The following TBC1D16 variants were observed in gnomAD, a reference collection of about 807,000 sequenced individuals.
TBC1D16 encodes the protein CTD-2529O21.1.
Under a neutral mutation model 74.7 loss-of-function variants are expected in TBC1D16, and 58 were observed. The observed-to-expected ratio is 0.78, with a 90% CI of 0.63 to 0.97. TBC1D16 has a LOEUF of 0.97. Ranked by LOEUF, TBC1D16 falls within the 50% of genes least tolerant of loss-of-function variation. The pLI, the probability that TBC1D16 is intolerant of heterozygous loss-of-function variation, is 0.00. For synonymous variants in TBC1D16, 493 were observed against 474.7 expected, an observed-to-expected ratio of 1.04 and a Z score of -0.50; for missense variants, 1,014 against 1,079.5, an observed-to-expected ratio of 0.94 and a Z score of 0.85.
intron 3 of TBC1D16, among the ~76,000 whole-genome samples, chr17:79,989,756 C>T (rs1199634125): frequency 2.0e-5 from 3 of 152,252 alleles, no homozygotes; most frequent in African/African-American, 7.2e-5. Flanking sequence ...GCAGCCTCAG[C>T]ATCGGCCCTC....
chr17:79,987,198 C>T lies in TBC1D16; in HGVS notation c.779+22962G>A, dbSNP rs1166328682. On this transcript the variant is annotated intron_variant, in intron 3 of 11. Coordinates refer to ENST00000310924, the MANE Select transcript of TBC1D16 (RefSeq NM_019020.4). This position sits in a 1 kb window ranked among gnomAD's most constrained non-coding sequence, Gnocchi z 5.2. ...TGGAGAAAATTGTTCCAGAGCGTCT[C>T]GGTCTGGGTGGGAGCGGGGAATAAG... Among the ~76,000 whole-genome samples, 1 of 151,884 alleles carries T rather than the reference C, an allele frequency of 6.6e-6. No individual in the cohort carries two copies. The highest frequency in any genetic ancestry group is 6.6e-5 in the Admixed American group (1 of 15,258).
At chr17:80,023,161 C>T (rs543462283) in intron 1 of TBC1D16, among the ~76,000 whole-genome samples, 3 of 149,930 alleles carry the variant, frequency 2.0e-5, no homozygotes, top group South Asian at 2.1e-4. Context: ...ATGGGACAGG[C>T]GGGGTCATTT....
At chr17:80,005,761 A>G (rs2035650183) in intron 3 of TBC1D16, among the ~76,000 whole-genome samples, 1 of 152,124 alleles carries the variant, frequency 6.6e-6, no homozygotes, top group African/African-American at 2.4e-5. Context: ...CTCACCTTCC[A>G]GCATGCAGAC....
At chr17:79,962,819 TG>T (rs1027026140) in intron 3 of TBC1D16, among the ~76,000 whole-genome samples, 7 of 151,762 alleles carry the variant, frequency 4.6e-5, no homozygotes, top group African/African-American at 1.7e-4. Flanking sequence ...CCCAGCACTT[TG>T]GGAGGCCGAG....
intron 3 of TBC1D16, among the ~76,000 whole-genome samples, chr17:79,967,833 TTAACTACAAAGC>T (rs2033906837): frequency 6.6e-6 from 1 of 152,138 alleles, no homozygotes; most frequent in South Asian, 2.1e-4. Context: ...ATTTCAAAAC[TTAACTACAAAGC>T]TACGGTAATC....
At chr17:80,024,084 C>T (rs977398153) in intron 1 of TBC1D16, 1 of 150,164 alleles carries the variant, frequency 6.7e-6, no homozygotes, top group Admixed American at 6.6e-5. Flanking sequence ...GCAGAAGCGG[C>T]TTTTGGCTTT....
At chr17:79,996,502 G>A (rs866883468) in intron 3 of TBC1D16, among the ~76,000 whole-genome samples, 7 of 152,288 alleles carry the variant, frequency 4.6e-5, no homozygotes, top group African/African-American at 1.7e-4. Context: ...ATGAGGATGT[G>A]GAGAAACAAG....
At chr17:80,034,393 G>GA (rs1238968521) in intron 1 of TBC1D16, among the ~76,000 whole-genome samples, 2 of 151,524 alleles carry the variant, frequency 1.3e-5, no homozygotes, top group African/African-American at 4.9e-5. Flanking sequence ...AGATATGGGG[G>GA]GTTTCACCAT....
In TBC1D16 at chr17:79,948,866, G is replaced by A; in HGVS notation, c.1541+6C>T. On this transcript the variant is annotated splice_donor_region_variant and intron_variant, in intron 8 of 11. Coordinates refer to ENST00000310924, the MANE Select transcript of TBC1D16 (RefSeq NM_019020.4). ...ATGGGAAAGGAGCTGGCTGGGGAGGGAGTACCTCATGCTCTCCACATTGGG... is the reference window on the plus strand; with the variant it reads ...ATGGGAAAGGAGCTGGCTGGGGAGGAAGTACCTCATGCTCTCCACATTGGG... The A allele has an allele frequency of 6.2e-7, 1 of 1,614,084 alleles. No homozygotes were observed. Among genetic ancestry groups the A allele is most frequent in the Non-Finnish European group, 8.5e-7 (1 of 1,179,966 alleles).
At chr17:79,973,936 C>T (rs1272259829) in intron 3 of TBC1D16, among the ~76,000 whole-genome samples, 1 of 152,220 alleles carries the variant, frequency 6.6e-6, no homozygotes, top group Non-Finnish European at 1.5e-5. Context: ...GTAGCAACCT[C>T]AGCACAGAAT....
At chr17:79,962,496 A>AC (rs1231420017) in intron 3 of TBC1D16, among the ~76,000 whole-genome samples, 1 of 151,748 alleles carries the variant, frequency 6.6e-6, no homozygotes, top group East Asian at 2.0e-4. Context: ...TACAGGTGTG[A>AC]CCCACCACAC....
At chr17:79,982,736 G>A (rs1218730712) in intron 3 of TBC1D16, among the ~76,000 whole-genome samples, 2 of 151,922 alleles carry the variant, frequency 1.3e-5, no homozygotes, top group Non-Finnish European at 2.9e-5. Flanking sequence ...GCCGGTGCCT[G>A]TAATCCCAGC....
intron 1 of TBC1D16, among the ~76,000 whole-genome samples, chr17:80,027,289 C>A (rs926856555): frequency 3.9e-5 from 6 of 151,994 alleles, no homozygotes; most frequent in African/African-American, 1.5e-4. Flanking sequence ...ATGGTGAAAC[C>A]CCGTCTCTAC....
rs1035636192 is a variant in TBC1D16, at chr17:79,954,077, G to C, written c.780-1259C>G. Among the ~76,000 whole-genome samples, 1 of 152,140 alleles carries C rather than the reference G, an allele frequency of 6.6e-6. No homozygotes were observed. The highest frequency in any genetic ancestry group is 1.5e-5 in the Non-Finnish European group (1 of 68,028). On this transcript the variant is annotated intron_variant, in intron 3 of 11. Transcript: ENST00000310924. This position sits in a 1 kb window ranked among gnomAD's most constrained non-coding sequence, Gnocchi z 5.5. ...GAGCCATCGCGCCTGACACTCTCTTGAGATTTAATGTCTAGCAAATGTCTG... is the reference window on the plus strand; with the variant it reads ...GAGCCATCGCGCCTGACACTCTCTTCAGATTTAATGTCTAGCAAATGTCTG...
rs533995294 is a variant in TBC1D16, at chr17:80,004,593, G to A, written c.779+5567C>T. On this transcript the variant is annotated intron_variant, in intron 3 of 11. Transcript: ENST00000310924. ...CCTTAGTCGGTCCACCTCCTCTGCC[G>A]TTGGATTCTTATGTTCTGCTCCTTT... is the stretch of plus-strand genomic sequence containing the variant. Among the ~76,000 whole-genome samples the A allele has an allele frequency of 1.8e-4, 28 of 152,302 alleles. No individual in the cohort carries two copies. In the South Asian group the frequency reaches 2.3e-3, roughly 12 times the overall value.
At position 79,949,780 on chromosome 17, in the gene TBC1D16, G is replaced by C. The variant is rs1568578219; in HGVS notation, c.1343C>G (p.Ser448Trp). The change falls in exon 7 of 12, where the codon TCG becomes TGG. Residue 448 changes from serine to tryptophan, a missense_variant. Coordinates refer to ENST00000310924, the MANE Select transcript of TBC1D16 (RefSeq NM_019020.4). ...CAGCCGCAGCGCCTCCCGCTCCTCC[G>C]ACGTGGACTCGTGGCTGTAATAGCG... is the stretch of plus-strand genomic sequence containing the variant. ...LLRYYSHEST[S>W]EEREALRLQK... 1 of 1,613,660 alleles carries C rather than the reference G, an allele frequency of 6.2e-7. No individual in the cohort carries two copies. Among genetic ancestry groups the C allele is most frequent in the Admixed American group, 1.7e-5 (1 of 60,014 alleles).
intron 3 of TBC1D16, among the ~76,000 whole-genome samples, chr17:80,006,746 C>A (rs921192193): frequency 1.3e-5 from 2 of 152,054 alleles, no homozygotes; most frequent in African/African-American, 2.4e-5. Context: ...GCAGCCTTCA[C>A]CTCCCAGGCT....
intron 1 of TBC1D16, among the ~76,000 whole-genome samples, chr17:80,027,554 C>T (rs117353248): frequency 0.073 from 11,058 of 151,790 alleles, 472 homozygotes; most frequent in East Asian, 0.17. Flanking sequence ...GCTGTACTTG[C>T]GCCACTGCAC....
At chr17:79,945,931 G>A (rs1057104102) in intron 9 of TBC1D16, among the ~76,000 whole-genome samples, 11 of 152,244 alleles carry the variant, frequency 7.2e-5, no homozygotes, top group Non-Finnish European at 1.0e-4. Context: ...TTGTTCCCAC[G>A]GGAGACTGCG....
Sources: gnomAD v4.1 joint callset for allele counts (sites outside exome capture counted in the v4.1 genomes callset) on GRCh38, gnomAD v4.1.1 for gene constraint, Gnocchi (gnomAD v3.1) non-coding constraint, MANE v1.5 for transcripts, NCBI Gene and HGNC (gene_info 2026-07-23, HGNC 2026-07-21) for gene names.